The following DDX46 variants were observed in gnomAD, a reference collection of about 807,000 sequenced individuals.
DDX46 encodes probable ATP-dependent RNA helicase DDX46.
A neutral mutation model predicts 134.9 loss-of-function variants in DDX46; 30 were observed. The ratio of observed to expected loss-of-function variants is 0.22; its 90% CI spans 0.17 to 0.30. The LOEUF (loss-of-function observed/expected upper bound fraction) is 0.30. Among genes scored for constraint, DDX46 ranks in the 10% least tolerant of loss-of-function variants. DDX46 has a pLI of 1.00. For synonymous variants in DDX46, 415 were observed against 404.1 expected (o/e 1.03, Z -0.32); for missense variants, 622 against 1,248.7 (o/e 0.50, Z 7.56).
chr5:134,775,654 G>A (rs780571147), intron 5 of DDX46, among the ~76,000 whole-genome samples: 10 of 151,924 alleles, frequency 6.6e-5, no homozygotes, highest in Non-Finnish European at 1.3e-4. Flanking sequence ...CTTGTGATCC[G>A]CCCGCCTTGG....
intron 1 of DDX46, 35 bp from the exon 2 acceptor site, chr5:134,763,868 TG>T (rs776673778): frequency 6.4e-7 from 1 of 1,574,004 alleles, no homozygotes; most frequent in Admixed American, 1.9e-5. Context: ...AAGCTAATGG[TG>T]TTTGCTGAAC....
At position 134,782,936 on chromosome 5, in the gene DDX46, G is replaced by C; in HGVS notation, c.1046-9G>C. 2 of 1,611,430 alleles carry C rather than the reference G, an allele frequency of 1.2e-6. No homozygotes were observed. Among genetic ancestry groups the C allele is most frequent in the Non-Finnish European group, 8.5e-7 (1 of 1,178,832 alleles). The stretch of plus-strand genomic sequence containing the variant: ...TTTAAGAACTTTTAATCTGGGTTTT[G>C]TTTTGTAGAGGTAAATGTGTTTCGA... On this transcript the variant is annotated splice_polypyrimidine_tract_variant and intron_variant, in intron 8 of 22. Transcript: ENST00000452510.
At chr5:134,804,330 A>G (rs1206454129) in intron 15 of DDX46, among the ~76,000 whole-genome samples, 1 of 152,224 alleles carries the variant, frequency 6.6e-6, no homozygotes, top group Non-Finnish European at 1.5e-5. Flanking sequence ...CACAGACTAA[A>G]TGACATGGTA....
At chr5:134,813,483 C>G (rs1167004906) in intron 18 of DDX46, among the ~76,000 whole-genome samples, 1 of 152,228 alleles carries the variant, frequency 6.6e-6, no homozygotes, top group Non-Finnish European at 1.5e-5. Context: ...TTCTTCACCT[C>G]TTTGCCTGTC....
At chr5:134,762,182 T>G (rs1580766361) in intron 1 of DDX46, among the ~76,000 whole-genome samples, 1 of 138,506 alleles carries the variant, frequency 7.2e-6, no homozygotes. Flanking sequence ...GAGGCTGAGG[T>G]GGGAAGATGC....
chr5:134,802,341 T>C (rs1754856220), intron 15 of DDX46, among the ~76,000 whole-genome samples: 1 of 152,038 alleles, frequency 6.6e-6, no homozygotes, highest in Non-Finnish European at 1.5e-5. Context: ...ACTGTATTTT[T>C]AGTAGAGACA....
At chr5:134,777,873 C>T in intron 6 of DDX46, 148 bp downstream of exon 6, 1 of 839,810 alleles carries the variant, frequency 1.2e-6, no homozygotes, top group Non-Finnish European at 1.7e-6. Flanking sequence ...TTTCTGAGTA[C>T]CAGAGATACT....
At position 134,783,010 on chromosome 5, in the gene DDX46, A is replaced by G. The variant is rs542504484; in HGVS notation, c.1111A>G (p.Ile371Val). 8.7e-6 allele frequency: 14 copies of G among 1,613,886 alleles called. No homozygotes were observed. The highest frequency in any genetic ancestry group is 3.3e-5 in the Admixed American group (2 of 60,006). Reference sequence around the variant, plus strand: ...TAAAGGAAAAGGTTGCCCCAAACCAATTAAATCCTGGGTCCAGTGTGGAAT... The same window carrying G: ...TAAAGGAAAAGGTTGCCCCAAACCAGTTAAATCCTGGGTCCAGTGTGGAAT... ...TVKGKGCPKP[I>V]KSWVQCGISM... Residue 371 changes from isoleucine to valine, a missense_variant, in exon 9 of 23, where the codon ATT becomes GTT. Coordinates refer to ENST00000452510, the MANE Select transcript of DDX46 (RefSeq NM_001300860.2).
At chr5:134,826,439 T>TA (rs1335665345) in intron 21 of DDX46, 1 of 152,352 alleles carries the variant, frequency 6.6e-6, no homozygotes, top group African/African-American at 2.4e-5. Flanking sequence ...TCTGTACCAT[T>TA]ACGCATGTAA....
intron 13 of DDX46, 41 bp downstream of exon 13, chr5:134,790,593 A>C (rs765613948): frequency 1.7e-5 from 26 of 1,517,224 alleles, no homozygotes; most frequent in African/African-American, 2.8e-5. Flanking sequence ...ATGTAAATAT[A>C]ACTTTGTAGT....
In DDX46 at chr5:134,796,080, G is replaced by A. The variant is rs745338693; in HGVS notation, c.1884G>A (p.Lys628=). ...GATCTGTCATTATATTTGTGGATAA[G>A]CAGGAACATGCTGATGGTCTTCTTA... ...ESGSVIIFVD[K]QEHADGLLKD... The change falls in exon 15 of 23, where the codon AAG becomes AAA. Residue 628 remains lysine (K), a synonymous_variant. Transcript: ENST00000452510. The A allele has an allele frequency of 1.2e-5, 19 of 1,613,780 alleles. No individual in the cohort carries two copies. Among genetic ancestry groups the A allele is most frequent in the Non-Finnish European group, 1.5e-5 (18 of 1,179,958 alleles).
At chr5:134,804,502 A>G (rs960782922) in intron 15 of DDX46, among the ~76,000 whole-genome samples, 4 of 152,114 alleles carry the variant, frequency 2.6e-5, no homozygotes, top group South Asian at 2.1e-4. Flanking sequence ...CAGAGGCACA[A>G]TCACAGCTTA....
At position 134,816,510 on chromosome 5, in the gene DDX46, T is replaced by C. The variant is rs2150158756; in HGVS notation, c.2517T>C (p.Pro839=). The C allele has an allele frequency of 1.9e-6, 3 of 1,614,064 alleles. No homozygotes were observed. The highest frequency in any genetic ancestry group is 2.5e-6 in the Non-Finnish European group (3 of 1,179,964). Residue 839 remains proline (P), a synonymous_variant, in exon 19 of 23, where the codon CCT becomes CCC. Coordinates refer to ENST00000452510, the MANE Select transcript of DDX46 (RefSeq NM_001300860.2). ...CTGCTCCTGGAACATCAAGTGTTCC[T>C]GCTCCAACTGCAGGAAATGCTGAGA... ...DMAAPGTSSV[P]APTAGNAEKL...
Position 134,829,954 on chromosome 5 carries a change from A to AAATAAATAAATAAATG in DDX46, c.*1248_*1249insAATAAATAAATAAATG, listed in dbSNP as rs1755692411. 6.6e-6 allele frequency: 1 copy of AAATAAATAAATAAATG among 151,922 alleles called. No homozygotes were observed. The highest frequency in any genetic ancestry group is 2.4e-5 in the African/African-American group (1 of 41,374). 9.4% of individuals were successfully genotyped at this position (151,922 alleles called of 1,614,324 possible). A position where few individuals can be genotyped will look rare whatever the true frequency, so the allele number is the denominator to read the frequency against. ...AAAATAAATAAATAAATAAATAAAT[A>AAATAAATAAATAAATG]GTATTTTTGAGCCTTCAAGATACAG... On this transcript the variant is annotated 3_prime_UTR_variant, in exon 23 of 23. Coordinates refer to ENST00000452510, the MANE Select transcript of DDX46 (RefSeq NM_001300860.2).
intron 5 of DDX46, among the ~76,000 whole-genome samples, chr5:134,777,287 T>C (rs1290231768): frequency 1.3e-5 from 2 of 152,224 alleles, no homozygotes; most frequent in East Asian, 1.9e-4. Context: ...AAATCTATTA[T>C]TGGAGATCAC....
chr5:134,767,914 C>CACTT (rs1336320291), intron 3 of DDX46, among the ~76,000 whole-genome samples: 2 of 150,404 alleles, frequency 1.3e-5, no homozygotes, highest in East Asian at 4.1e-4. Context: ...CATGCCGTTG[C>CACTT]ACTCCAGCCT....
At chr5:134,784,898 A>T (rs1754282659) in intron 10 of DDX46, among the ~76,000 whole-genome samples, 1 of 152,208 alleles carries the variant, frequency 6.6e-6, no homozygotes, top group Admixed American at 6.5e-5. Context: ...CTAGGGAAAC[A>T]TATTTTCCTA....
At chr5:134,782,501 AT>A (rs1439513051) in intron 8 of DDX46, among the ~76,000 whole-genome samples, 2 of 151,772 alleles carry the variant, frequency 1.3e-5, no homozygotes, top group African/African-American at 4.8e-5. Flanking sequence ...AATAAAAAAA[AT>A]TGTTGGTTTT....
chr5:134,811,909 C>CCATA, intron 18 of DDX46, 64 bp downstream of exon 18: 1 of 1,544,386 alleles, frequency 6.5e-7, no homozygotes, highest in Non-Finnish European at 8.7e-7. Context: ...GGAGGTCTTG[C>CCATA]CATATATGGT....
Sources: allele counts gnomAD v4.1 joint callset (sites outside exome capture counted in the v4.1 genomes callset), GRCh38; gene constraint gnomAD v4.1.1; transcripts MANE v1.5; gene names NCBI Gene and HGNC (gene_info 2026-07-23, HGNC 2026-07-21).